Variants in OR51B5 observed in about 807,000 individuals in gnomAD.
The protein encoded by OR51B5 is olfactory receptor 51B5.
For missense variants in OR51B5, 456 were observed against 374.6 expected, an observed-to-expected ratio of 1.22 and a Z score of -1.79; for synonymous variants, 186 against 144.8, an observed-to-expected ratio of 1.28 and a Z score of -2.04.
chr11:5,387,455 A>G (rs751627193), intron 1 of OR51B5, among the ~76,000 whole-genome samples: 16 of 152,158 alleles, frequency 1.1e-4, no homozygotes, highest in Non-Finnish European at 1.9e-4. Context: ...ATAAATGTGG[A>G]CTATTTTTTA....
chr11:5,351,774 G>A (rs1271306261), intron 1 of OR51B5: 1 of 1,614,088 alleles, frequency 6.2e-7, no homozygotes, highest in Admixed American at 1.7e-5. Context: ...ATCACAGGGA[G>A]ATTGGCCATG....
At chr11:5,360,702 T>A (rs1849270255) in intron 1 of OR51B5, among the ~76,000 whole-genome samples, 1 of 151,754 alleles carries the variant, frequency 6.6e-6, no homozygotes, top group African/African-American at 2.4e-5. Context: ...GTATGTTTAT[T>A]GTGGCACTAT....
intron 1 of OR51B5, among the ~76,000 whole-genome samples, chr11:5,381,649 C>T (rs963138609): frequency 6.6e-6 from 1 of 152,182 alleles, no homozygotes; most frequent in African/African-American, 2.4e-5. Flanking sequence ...GCACTTAATG[C>T]ACGTCAATGA....
At chr11:5,394,277 A>G (rs1849837358) in intron 1 of OR51B5, among the ~76,000 whole-genome samples, 1 of 152,114 alleles carries the variant, frequency 6.6e-6, no homozygotes, top group Admixed American at 6.6e-5. Context: ...TTTTACAGAT[A>G]AGTACACTGA....
chr11:5,472,009 A>G (rs1851236919), intron 1 of OR51B5, among the ~76,000 whole-genome samples: 2 of 152,194 alleles, frequency 1.3e-5, no homozygotes, highest in Admixed American at 6.5e-5. Flanking sequence ...CAGTTTCCCA[A>G]TCAAAGGTTC....
intron 1 of OR51B5, among the ~76,000 whole-genome samples, chr11:5,367,530 T>C (rs71488546): frequency 0.24 from 36,196 of 151,966 alleles, 4,547 homozygotes; most frequent in Non-Finnish European, 0.27. Context: ...GGTGGGAGAG[T>C]AGCAGTGAGG....
chr11:5,499,227 T>C (rs1052601262), intron 1 of OR51B5, among the ~76,000 whole-genome samples: 1 of 145,704 alleles, frequency 6.9e-6, no homozygotes, highest in African/African-American at 2.5e-5. Flanking sequence ...GGAGATATGA[T>C]AGTACAGCCA....
intron 1 of OR51B5, among the ~76,000 whole-genome samples, chr11:5,436,363 T>A (rs1299653100): frequency 2.0e-5 from 3 of 152,230 alleles, no homozygotes; most frequent in Admixed American, 6.5e-5. Flanking sequence ...ATGAAAGTTC[T>A]GGAAGGAGAA....
At chr11:5,411,864 A>C (rs1242424629) in intron 1 of OR51B5, among the ~76,000 whole-genome samples, 1 of 152,214 alleles carries the variant, frequency 6.6e-6, no homozygotes, top group African/African-American at 2.4e-5. Context: ...AAATTGACTA[A>C]AAATCCAGGA....
At chr11:5,473,050 A>G (rs1851252023) in intron 1 of OR51B5, among the ~76,000 whole-genome samples, 1 of 152,240 alleles carries the variant, frequency 6.6e-6, no homozygotes, top group African/African-American at 2.4e-5. Context: ...TTCCCTGTCT[A>G]AATGAATGTC....
intron 1 of OR51B5, among the ~76,000 whole-genome samples, chr11:5,417,589 A>AAC (rs1850262979): frequency 6.7e-6 from 1 of 150,050 alleles, no homozygotes; most frequent in Non-Finnish European, 1.5e-5. Context: ...AAGAAAAAAA[A>AAC]AACCCCATCC....
intron 1 of OR51B5, among the ~76,000 whole-genome samples, chr11:5,351,006 T>A (rs1849074194): frequency 6.6e-6 from 1 of 152,212 alleles, no homozygotes; most frequent in South Asian, 2.1e-4. Flanking sequence ...TTCCATATAA[T>A]CTTTATATCT....
chr11:5,422,130 G>A, intron 1 of OR51B5: 1 of 1,205,212 alleles, frequency 8.3e-7, no homozygotes, highest in Non-Finnish European at 1.2e-6. Context: ...ATGGGGCAAA[G>A]AGATATTATT....
At chr11:5,416,506 A>G (rs11037370) in intron 1 of OR51B5, among the ~76,000 whole-genome samples, 28 of 150,880 alleles carry the variant, frequency 1.9e-4, no homozygotes, top group Admixed American at 7.3e-4. Context: ...TGCAGATGAC[A>G]TGATTGTATA....
rs528073889 is a variant in OR51B5, at chr11:5,492,100, T to G, written n.84+13469A>C. Among the ~76,000 whole-genome samples the G allele has an allele frequency of 2.0e-4, 31 of 152,208 alleles. 1 individual carries two copies. In the South Asian group the frequency reaches 5.6e-3, roughly 27 times the overall value. On this transcript the variant is annotated intron_variant and non_coding_transcript_variant, in intron 1 of 4. Coordinates refer to the OR51B5 transcript ENST00000415970. ...CAATTTGTGCTGAGGGAGACTCTCT[T>G]AATTCAATTTTAAGTAATTCAGCAC...
intron 1 of OR51B5, among the ~76,000 whole-genome samples, chr11:5,378,805 G>C (rs1051247466): frequency 2.7e-5 from 4 of 150,804 alleles, no homozygotes; most frequent in African/African-American, 9.8e-5. Context: ...TAAAAAGTCA[G>C]GAAACAACAG....
At chr11:5,503,752 T>TC (rs554763983) in intron 1 of OR51B5, among the ~76,000 whole-genome samples, 158 of 152,298 alleles carry the variant, frequency 1.0e-3, no homozygotes, top group African/African-American at 3.7e-3. Flanking sequence ...GACATTTCAG[T>TC]CTAGTGTAGA....
intron 1 of OR51B5, among the ~76,000 whole-genome samples, chr11:5,348,781 C>T (rs2133684464): frequency 6.6e-6 from 1 of 152,256 alleles, no homozygotes; most frequent in South Asian, 2.1e-4. Context: ...CCTTTGGCAA[C>T]ACCCTTACAG....
intron 1 of OR51B5, among the ~76,000 whole-genome samples, chr11:5,426,917 G>A (rs1850459455): frequency 6.6e-6 from 1 of 152,162 alleles, no homozygotes; most frequent in Admixed American, 6.5e-5. Context: ...ATCACATCCA[G>A]ATAAACTTTC....
Sources: allele counts gnomAD v4.1 joint callset (sites outside exome capture counted in the v4.1 genomes callset), GRCh38; gene constraint gnomAD v4.1.1; transcripts MANE v1.5; gene names NCBI Gene and HGNC (gene_info 2026-07-23, HGNC 2026-07-21).